Variants in TNKS observed in about 807,000 individuals in gnomAD.
TNKS encodes the protein poly [ADP-ribose] polymerase tankyrase-1.
In TNKS, 72 loss-of-function variants were observed where a neutral mutation model predicts 135.8. The ratio of observed to expected loss-of-function variants is 0.53; its 90% CI spans 0.44 to 0.64. The LOEUF is 0.64. Among genes scored for constraint, TNKS ranks in the 30% least tolerant of loss-of-function variants. The probability of loss-of-function intolerance (pLI) is 0.00; values close to 1 mark genes in which losing one functional copy is unlikely to be tolerated. For synonymous variants in TNKS, 849 were observed against 649.3 expected (o/e 1.31, Z -4.68); for missense variants, 1,769 against 1,674.0 (o/e 1.06, Z -0.99).
intron 2 of TNKS, among the ~76,000 whole-genome samples, chr8:9,610,341 C>A (rs189571264): frequency 8.2e-4 from 124 of 151,120 alleles, no homozygotes; most frequent in African/African-American, 2.8e-3. Context: ...TATACTGTAG[C>A]ATACTATATA....
At chr8:9,765,634 T>C in intron 23 of TNKS, 58 bp from the exon 24 acceptor site, 1 of 1,437,564 alleles carries the variant, frequency 7.0e-7, no homozygotes, top group Non-Finnish European at 9.7e-7. Flanking sequence ...ATACTTTTCA[T>C]TTTAAATCAT....
intron 20 of TNKS, among the ~76,000 whole-genome samples, chr8:9,755,158 T>A (rs1333963126): frequency 6.6e-6 from 1 of 152,360 alleles, no homozygotes; most frequent in East Asian, 1.9e-4. Context: ...TATGTGTTCT[T>A]TTTAAATTTA....
intron 3 of TNKS, among the ~76,000 whole-genome samples, chr8:9,627,932 A>G (rs1800126541): frequency 1.3e-5 from 2 of 152,106 alleles, no homozygotes; most frequent in Non-Finnish European, 2.9e-5. Flanking sequence ...TGCTATCACC[A>G]ATTCTACCAA....
rs970332984 is a variant in TNKS at position 9,778,958 on chromosome 8, T to C, written c.*2222T>C. ...TGAATGGATGCGCCAGTTTTCATCTTGGTCCTTACACTTGAGAAGTTAAAC... is the reference window on the plus strand; with the variant it reads ...TGAATGGATGCGCCAGTTTTCATCTCGGTCCTTACACTTGAGAAGTTAAAC... On this transcript the variant is annotated 3_prime_UTR_variant, in exon 27 of 27. Coordinates refer to ENST00000310430, the MANE Select transcript of TNKS (RefSeq NM_003747.3). The C allele has an allele frequency of 6.6e-6, 1 of 152,244 alleles. No individual in the cohort carries two copies. The highest frequency in any genetic ancestry group is 2.4e-5 in the African/African-American group (1 of 41,466). The allele number at this position is 152,244 out of a possible 1,614,324, so 9.4% of individuals were successfully genotyped here.
intron 26 of TNKS, chr8:9,772,365 C>G (rs1238152663): frequency 6.6e-6 from 3 of 455,320 alleles, no homozygotes; most frequent in South Asian, 3.1e-5. Flanking sequence ...TATTATCTCT[C>G]TAGGTGGATA....
chr8:9,771,852 G>GAGAGAGGAAGGAAGGGAAGA (rs1491107528), intron 26 of TNKS, among the ~76,000 whole-genome samples: 1 of 87,504 alleles, frequency 1.1e-5, no homozygotes, highest in Non-Finnish European at 2.3e-5. Context: ...GGGAGGGAGG[G>GAGAGAGGAAGGAAGGGAAGA]AGAGAGAGCT....
chr8:9,566,775 A>AT (rs370690975), intron 1 of TNKS, among the ~76,000 whole-genome samples: 4 of 150,298 alleles, frequency 2.7e-5, no homozygotes, highest in African/African-American at 9.8e-5. Context: ...CGCCCGGCTA[A>AT]TTTTTTGTAT....
intron 11 of TNKS, among the ~76,000 whole-genome samples, chr8:9,717,101 A>ATATATATATATATATATATTTTTTTTTTT (rs1454492300): frequency 8.4e-6 from 1 of 119,336 alleles, no homozygotes; most frequent in African/African-American, 2.9e-5. Flanking sequence ...ATATATATAT[A>ATATATATATATATATATATTTTTTTTTTT]TTTTCAGGGA....
chr8:9,632,659 A>G (rs1189776955), intron 3 of TNKS, among the ~76,000 whole-genome samples: 2 of 152,118 alleles, frequency 1.3e-5, no homozygotes, highest in Non-Finnish European at 2.9e-5. Flanking sequence ...GTGCATTTCA[A>G]TATCTACTGA....
At chr8:9,650,172 G>A (rs955212354) in intron 3 of TNKS, among the ~76,000 whole-genome samples, 3 of 152,068 alleles carry the variant, frequency 2.0e-5, no homozygotes, top group Admixed American at 6.5e-5. Flanking sequence ...GATTACAGGG[G>A]TGAGCTACTG....
At chr8:9,772,538 G>C in intron 26 of TNKS, 1 of 386,670 alleles carries the variant, frequency 2.6e-6, no homozygotes, top group South Asian at 2.0e-5. Context: ...GATTACATGA[G>C]GCCCAAGAGA....
chr8:9,600,505 G>A (rs548148491), intron 2 of TNKS, among the ~76,000 whole-genome samples: 1 of 152,050 alleles, frequency 6.6e-6, no homozygotes, highest in South Asian at 2.1e-4. Context: ...GTAGAGACAG[G>A]TCTCGCCATG....
intron 3 of TNKS, among the ~76,000 whole-genome samples, chr8:9,655,591 C>T (rs755622047): frequency 6.6e-5 from 10 of 152,156 alleles, no homozygotes; most frequent in Middle Eastern, 3.2e-3. Flanking sequence ...CACCAATATC[C>T]GCTGTTCTGC....
Position 9,766,262 on chromosome 8 carries a change from A to G in TNKS, c.3577A>G (p.Ile1193Val). ...AGGTTCTCCTTTCATTAATGCCATT[A>G]TTCATAAAGGGTTTGATGAGCGACA... The part of the protein sequence containing the change: ...FHGSPFINAI[I>V]HKGFDERHAY... The change falls in exon 25 of 27, where the codon ATT (isoleucine) becomes GTT (valine). Residue 1193 changes from isoleucine to valine, a missense_variant. Coordinates refer to ENST00000310430, the MANE Select transcript of TNKS (RefSeq NM_003747.3). The G allele has an allele frequency of 6.2e-7, 1 of 1,610,488 alleles. No homozygotes were observed. Among genetic ancestry groups the G allele is most frequent in the East Asian group, 2.2e-5 (1 of 44,844 alleles).
intron 2 of TNKS, among the ~76,000 whole-genome samples, chr8:9,608,437 T>G (rs965232545): frequency 6.6e-6 from 1 of 152,204 alleles, no homozygotes; most frequent in Non-Finnish European, 1.5e-5. Flanking sequence ...AAGGCGATTT[T>G]TTTTTTTAGG....
intron 3 of TNKS, among the ~76,000 whole-genome samples, chr8:9,631,903 T>A (rs1800306267): frequency 2.0e-5 from 3 of 152,128 alleles, no homozygotes; most frequent in Admixed American, 2.0e-4. Context: ...TTACAAACCG[T>A]ATGGGGAAAG....
intron 11 of TNKS, among the ~76,000 whole-genome samples, chr8:9,711,616 G>C (rs1474127393): frequency 1.3e-5 from 2 of 152,070 alleles, no homozygotes; most frequent in African/African-American, 4.8e-5. Flanking sequence ...AAAATAAAAG[G>C]GTTCAAAATT....
intron 15 of TNKS, among the ~76,000 whole-genome samples, chr8:9,733,822 A>T (rs987017156): frequency 1.3e-5 from 2 of 152,168 alleles, no homozygotes; most frequent in Non-Finnish European, 2.9e-5. Flanking sequence ...TAACTAACTC[A>T]TTCACTAGTA....
chr8:9,734,747 C>T (rs1805604958), intron 15 of TNKS, 118 bp from the exon 16 acceptor site: 1 of 835,156 alleles, frequency 1.2e-6, no homozygotes, highest in African/African-American at 1.7e-5. Context: ...TTTCAAAATG[C>T]ATATAGAGTA....
Sources: allele counts gnomAD v4.1 joint callset (sites outside exome capture counted in the v4.1 genomes callset), GRCh38; gene constraint gnomAD v4.1.1; transcripts MANE v1.5; gene names NCBI Gene and HGNC (gene_info 2026-07-23, HGNC 2026-07-21).